AVEN: variants seen among roughly 807,000 people sequenced by gnomAD.
AVEN encodes apoptosis and caspase activation inhibitor, also known as cell death regulator Aven.
A neutral mutation model predicts 38.1 loss-of-function variants in AVEN; 41 were observed. The ratio of observed to expected loss-of-function variants is 1.08; its 90% CI spans 0.84 to 1.40. The LOEUF (loss-of-function observed/expected upper bound fraction) is 1.40, where lower values mean the gene tolerates loss of function less well. AVEN is among the 40% of genes most tolerant of loss of function. The pLI is 0.00. For missense variants in AVEN, 605 were observed against 438.8 expected, an observed-to-expected ratio of 1.38 and a Z score of -3.38; for synonymous variants, 206 against 171.8, an observed-to-expected ratio of 1.20 and a Z score of -1.56.
chr15:34,061,142 C>T (rs940246537), intron 5 of AVEN, among the ~76,000 whole-genome samples: 19 of 151,400 alleles, frequency 1.3e-4, no homozygotes, highest in African/African-American at 4.4e-4. Context: ...TAAATGGTAG[C>T]AGTGGTTACC....
intron 1 of AVEN, chr15:34,007,039 G>C: frequency 1.0e-6 from 1 of 982,748 alleles, no homozygotes; most frequent in Non-Finnish European, 1.2e-6. Flanking sequence ...CACTGTAATA[G>C]TTCATACCTG....
chr15:34,003,990 T>G (rs985820148), intron 1 of AVEN, among the ~76,000 whole-genome samples: 4 of 152,238 alleles, frequency 2.6e-5, no homozygotes, highest in Non-Finnish European at 4.4e-5. Context: ...TCATTTGCCC[T>G]TGATAGCCTT....
At chr15:33,935,546 A>G (rs1894027850) in intron 2 of AVEN, among the ~76,000 whole-genome samples, 1 of 152,096 alleles carries the variant, frequency 6.6e-6, no homozygotes, top group African/African-American at 2.4e-5. Flanking sequence ...GTGTGTGTAT[A>G]TATATATGGC....
At chr15:34,011,128 G>C (rs935658671) in intron 1 of AVEN, among the ~76,000 whole-genome samples, 2 of 152,030 alleles carry the variant, frequency 1.3e-5, no homozygotes, top group East Asian at 1.9e-4. Flanking sequence ...AGAGCTCAAG[G>C]CTGCAGTAAG....
chr15:34,062,893 G>C (rs1432811123), intron 5 of AVEN: 4 of 1,614,090 alleles, frequency 2.5e-6, no homozygotes, highest in African/African-American at 2.7e-5. Context: ...AAAGTCAACA[G>C]CCAGCTCAAG....
chr15:33,895,128 T>C (rs1892181707), intron 2 of AVEN, among the ~76,000 whole-genome samples: 1 of 152,096 alleles, frequency 6.6e-6, no homozygotes, highest in Non-Finnish European at 1.5e-5. Flanking sequence ...ATTCTACCAC[T>C]GGTGGGCACC....
intron 2 of AVEN, among the ~76,000 whole-genome samples, chr15:33,925,255 C>T (rs1172813915): frequency 6.6e-6 from 1 of 152,054 alleles, no homozygotes; most frequent in Non-Finnish European, 1.5e-5. Context: ...TGCAAAGTCC[C>T]AGGGATAAAT....
intron 2 of AVEN, among the ~76,000 whole-genome samples, chr15:33,889,636 G>C (rs2153040105): frequency 6.6e-6 from 1 of 152,182 alleles, no homozygotes; most frequent in South Asian, 2.1e-4. Flanking sequence ...CATCTCATTA[G>C]GTTTTCTTTT....
intron 2 of AVEN, among the ~76,000 whole-genome samples, chr15:33,879,098 C>G (rs922843205): frequency 6.6e-6 from 1 of 151,948 alleles, no homozygotes; most frequent in African/African-American, 2.4e-5. Flanking sequence ...AAGACACATG[C>G]ACACGTATGT....
chr15:33,936,548 A>T (rs193161572), intron 2 of AVEN, among the ~76,000 whole-genome samples: 1 of 152,240 alleles, frequency 6.6e-6, no homozygotes, highest in Non-Finnish European at 1.5e-5. Flanking sequence ...AATATTGTAA[A>T]GAAGTCAGTT....
At chr15:34,053,321 T>A (rs375566285) in intron 5 of AVEN, among the ~76,000 whole-genome samples, 1,365 of 72,050 alleles carry the variant, frequency 0.019, 13 homozygotes, top group African/African-American at 0.028. Context: ...AAAAAAAAAA[T>A]ATATATATAT....
downstream of AVEN, chr15:33,865,249 A>C: frequency 6.5e-7 from 1 of 1,531,316 alleles, no homozygotes; most frequent in Non-Finnish European, 9.0e-7. Context: ...GAAGCGCGAC[A>C]ATTCTGGACA....
chr15:33,996,036 A>G (rs1046620122), intron 2 of AVEN, among the ~76,000 whole-genome samples: 2 of 152,230 alleles, frequency 1.3e-5, no homozygotes, highest in African/African-American at 2.4e-5. Flanking sequence ...TATCCCACAC[A>G]TGGCTAGGTG....
intron 2 of AVEN, among the ~76,000 whole-genome samples, chr15:33,916,549 AAAG>A (rs1485480579): frequency 6.6e-6 from 1 of 152,234 alleles, no homozygotes; most frequent in Non-Finnish European, 1.5e-5. Flanking sequence ...ACAATTTTCA[AAAG>A]AAGATATACA....
the AVEN span, chr15:33,853,771 G>T: frequency 1.3e-6 from 2 of 1,505,376 alleles, no homozygotes; most frequent in South Asian, 1.3e-5. Context: ...CCGTGTCTTT[G>T]TTCTCTCAGG....
rs932009093 is a variant in AVEN at position 33,952,242 on chromosome 15, G to GA, written c.445+50789dup. Among the ~76,000 whole-genome samples the GA allele has an allele frequency of 4.6e-5, 7 of 151,842 alleles. No individual in the cohort carries two copies. The South Asian group carries it at 6.3e-4, about 14-fold the overall frequency. On this transcript the variant is annotated intron_variant, in intron 2 of 5. Coordinates refer to ENST00000306730, the MANE Select transcript of AVEN (RefSeq NM_020371.3). ...AGCCTGTCTTCCACATCAAAAAGGGGAAAAAAAATCACTCCAGGTTCAAAG... is the reference window on the plus strand; with the variant it reads ...AGCCTGTCTTCCACATCAAAAAGGGGAAAAAAAAATCACTCCAGGTTCAAAG...
At chr15:33,957,114 A>G (rs1184775197) in intron 2 of AVEN, among the ~76,000 whole-genome samples, 3 of 152,248 alleles carry the variant, frequency 2.0e-5, no homozygotes, top group African/African-American at 7.2e-5. Context: ...CAGGAACAGT[A>G]CTGGGAGCCA....
At chr15:33,925,407 A>G (rs939366113) in intron 2 of AVEN, among the ~76,000 whole-genome samples, 1 of 152,206 alleles carries the variant, frequency 6.6e-6, no homozygotes, top group African/African-American at 2.4e-5. Context: ...AAGTCTGGCT[A>G]AAGACTTTAG....
chr15:33,930,954 C>CAAAAA (rs61006422), intron 2 of AVEN, among the ~76,000 whole-genome samples: 5 of 111,842 alleles, frequency 4.5e-5, no homozygotes, highest in African/African-American at 1.7e-4. Flanking sequence ...GACTCTGTCT[C>CAAAAA]AAAAAAAAAA....
Sources: gnomAD v4.1 joint callset for allele counts (sites outside exome capture counted in the v4.1 genomes callset) on GRCh38, gnomAD v4.1.1 for gene constraint, MANE v1.5 for transcripts, NCBI Gene and HGNC (gene_info 2026-07-23, HGNC 2026-07-21) for gene names.